CCDC60: variants seen among roughly 807,000 people sequenced by gnomAD.
CCDC60 encodes the protein coiled-coil domain containing 60, also known as coiled-coil domain-containing protein 60.
CCDC60 carries 54 observed loss-of-function variants against 63.5 expected under a neutral mutation model. The ratio of observed to expected loss-of-function variants is 0.85; its 90% confidence interval spans 0.68 to 1.07. The LOEUF is 1.07. Among genes scored for constraint, CCDC60 ranks in the 50% least tolerant of loss-of-function variants. The pLI is 0.00. For synonymous variants in CCDC60, 206 were observed against 238.8 expected (o/e 0.86, Z 1.27); for missense variants, 651 against 684.3 (o/e 0.95, Z 0.54).
chr12:119,496,363 C>T (rs1007513465), intron 5 of CCDC60, among the ~76,000 whole-genome samples: 8 of 152,170 alleles, frequency 5.3e-5, no homozygotes, highest in Non-Finnish European at 8.8e-5. Flanking sequence ...ATGTGCTTGG[C>T]GGATATAGTT....
intron 9 of CCDC60, among the ~76,000 whole-genome samples, chr12:119,522,170 G>A (rs780235142): frequency 6.6e-6 from 1 of 152,232 alleles, no homozygotes; most frequent in Non-Finnish European, 1.5e-5. Flanking sequence ...AGTTTTCCAA[G>A]CATTTGGAAG....
At chr12:119,340,964 T>G (rs1377547122) in intron 1 of CCDC60, among the ~76,000 whole-genome samples, 2 of 152,152 alleles carry the variant, frequency 1.3e-5, no homozygotes, top group Non-Finnish European at 2.9e-5. Flanking sequence ...TTTATATCAC[T>G]CATGACTTAA....
At chr12:119,427,565 T>C (rs543487027) in intron 1 of CCDC60, among the ~76,000 whole-genome samples, 2 of 152,304 alleles carry the variant, frequency 1.3e-5, no homozygotes, top group African/African-American at 4.8e-5. Flanking sequence ...GAAAGGATAT[T>C]TCCTTAGGAT....
chr12:119,338,235 T>C (rs747650361), intron 1 of CCDC60, among the ~76,000 whole-genome samples: 1 of 152,044 alleles, frequency 6.6e-6, no homozygotes, highest in Admixed American at 6.6e-5. Flanking sequence ...CTAGCGTCAA[T>C]AGAAAGTGAC....
intron 13 of CCDC60, among the ~76,000 whole-genome samples, chr12:119,532,806 C>T (rs1246335293): frequency 2.0e-5 from 3 of 152,128 alleles, no homozygotes; most frequent in Non-Finnish European, 4.4e-5. Flanking sequence ...TTTTCTTTAT[C>T]CAGTCTATCA....
At chr12:119,458,401 G>C (rs1433413376) in intron 2 of CCDC60, among the ~76,000 whole-genome samples, 1 of 152,160 alleles carries the variant, frequency 6.6e-6, no homozygotes, top group Admixed American at 6.5e-5. Flanking sequence ...GCTGGATGTA[G>C]AGCCATAATA....
intron 1 of CCDC60, among the ~76,000 whole-genome samples, chr12:119,385,392 T>C (rs1230778455): frequency 1.3e-5 from 2 of 152,198 alleles, no homozygotes; most frequent in Non-Finnish European, 2.9e-5. Flanking sequence ...AGGGACTTGA[T>C]GGAAGATAAT....
intron 1 of CCDC60, among the ~76,000 whole-genome samples, chr12:119,365,136 A>G (rs914296870): frequency 5.3e-5 from 8 of 152,358 alleles, no homozygotes; most frequent in African/African-American, 1.7e-4. Context: ...AGGAAATGAG[A>G]TAACGTGTCC....
chr12:119,516,038 A>C (rs1952343820), intron 7 of CCDC60, among the ~76,000 whole-genome samples: 1 of 152,272 alleles, frequency 6.6e-6, no homozygotes, highest in East Asian at 1.9e-4. Context: ...TAAAAAGAGA[A>C]GCTGGATCCT....
chr12:119,397,116 A>G (rs1482281668), intron 1 of CCDC60, among the ~76,000 whole-genome samples: 1 of 151,712 alleles, frequency 6.6e-6, no homozygotes, highest in Non-Finnish European at 1.5e-5. Context: ...TCTCCCTGTG[A>G]GTTCATGCTC....
intron 1 of CCDC60, among the ~76,000 whole-genome samples, chr12:119,423,385 A>T (rs1956847414): frequency 6.6e-6 from 1 of 152,222 alleles, no homozygotes; most frequent in South Asian, 2.1e-4. Flanking sequence ...ACCCATAATT[A>T]CTTGCTTTCA....
In CCDC60 at chr12:119,514,748, T is replaced by C. The variant is rs953083981; in HGVS notation, c.884-1875T>C. ...AATTTACTGCAGCCTAAGTGTACAG[T>C]GTTTATAAAGTCCACAGTAATGTCC... On this transcript the variant is annotated intron_variant, in intron 7 of 13. Coordinates refer to ENST00000327554, the MANE Select transcript of CCDC60 (RefSeq NM_178499.5). 5.9e-5 allele frequency among the ~76,000 whole-genome samples: 9 copies of C among 152,012 alleles called. No homozygotes were observed. In the East Asian group the frequency reaches 1.7e-3, roughly 29 times the overall value.
intron 1 of CCDC60, among the ~76,000 whole-genome samples, chr12:119,416,179 C>T (rs1245510042): frequency 2.0e-5 from 3 of 151,940 alleles, no homozygotes; most frequent in African/African-American, 7.3e-5. Context: ...GTCAGGAGTT[C>T]GAGACCAGCC....
At chr12:119,510,512 G>T (rs1405542950) in intron 7 of CCDC60, among the ~76,000 whole-genome samples, 1 of 151,978 alleles carries the variant, frequency 6.6e-6, no homozygotes, top group Non-Finnish European at 1.5e-5. Context: ...TGCTTTTATT[G>T]AATTATTAAT....
chr12:119,346,815 TC>T (rs1955600373), intron 1 of CCDC60, among the ~76,000 whole-genome samples: 2 of 133,472 alleles, frequency 1.5e-5, no homozygotes, highest in Non-Finnish European at 3.4e-5. Flanking sequence ...TTTCTTTCTT[TC>T]TTTCTTTCTT....
chr12:119,453,692 A>G (rs1950674696), intron 2 of CCDC60, among the ~76,000 whole-genome samples: 3 of 152,142 alleles, frequency 2.0e-5, no homozygotes, highest in African/African-American at 7.2e-5. Context: ...TTACAGCCAA[A>G]CCACCATCCT....
chr12:119,470,953 G>T (rs1951044745), intron 2 of CCDC60, among the ~76,000 whole-genome samples: 1 of 152,162 alleles, frequency 6.6e-6, no homozygotes, highest in African/African-American at 2.4e-5. Flanking sequence ...TAGGAATTTG[G>T]AGAACAAATA....
Position 119,456,571 on chromosome 12 carries a change from T to C in CCDC60, c.171-15423T>C, listed in dbSNP as rs1008429438. Reference sequence around the variant, plus strand: ...TTCTTGGATCTTGCACAAGAAAGAATTCAGGGCAAGTCCATAGCATAAAGT... The same window carrying C: ...TTCTTGGATCTTGCACAAGAAAGAACTCAGGGCAAGTCCATAGCATAAAGT... On this transcript the variant is annotated intron_variant, in intron 2 of 13. Transcript: ENST00000327554. The surrounding 1 kb of genome is among the most constrained non-coding windows in gnomAD (Gnocchi z 4.6). Among the ~76,000 whole-genome samples, 1 of 152,172 alleles carries C rather than the reference T, an allele frequency of 6.6e-6. No individual in the cohort carries two copies. The highest frequency in any genetic ancestry group is 2.4e-5 in the African/African-American group (1 of 41,448).
At chr12:119,413,478 T>C (rs1002630141) in intron 1 of CCDC60, among the ~76,000 whole-genome samples, 4 of 152,220 alleles carry the variant, frequency 2.6e-5, no homozygotes, top group African/African-American at 9.7e-5. Flanking sequence ...ACACAAGTTA[T>C]ATTTTTCATT....
Sources: allele counts gnomAD v4.1 joint callset (sites outside exome capture counted in the v4.1 genomes callset), GRCh38; gene constraint gnomAD v4.1.1; non-coding constraint Gnocchi (gnomAD v3.1); transcripts MANE v1.5; gene names NCBI Gene and HGNC (gene_info 2026-07-23, HGNC 2026-07-21).